The following DERA variants were observed in gnomAD, a reference collection of about 807,000 sequenced individuals.
The protein encoded by DERA is deoxyribose-phosphate aldolase.
Under a neutral mutation model 41.1 loss-of-function variants are expected in DERA, and 15 were observed. The observed-to-expected ratio is 0.37, with a 90% confidence interval of 0.24 to 0.56. The LOEUF is 0.56. Among genes scored for constraint, DERA ranks in the 20% least tolerant of loss-of-function variants. DERA has a pLI of 0.81. For synonymous variants in DERA, 139 were observed against 137.4 expected, an observed-to-expected ratio of 1.01 and a Z score of -0.08; for missense variants, 396 against 403.4, an observed-to-expected ratio of 0.98 and a Z score of 0.16.
At chr12:15,997,258 G>A (rs776437202) in intron 6 of DERA, among the ~76,000 whole-genome samples, 3 of 152,068 alleles carry the variant, frequency 2.0e-5, no homozygotes, top group African/African-American at 7.2e-5. Context: ...AATGGAGCAG[G>A]CAATTCTCTT....
rs1364905854 is a variant in DERA, at chr12:15,976,997, GTATCT to G, written c.509-5307_509-5303del. Among the ~76,000 whole-genome samples the G allele has an allele frequency of 2.0e-5, 3 of 151,994 alleles. No individual in the cohort carries two copies. Among genetic ancestry groups the G allele is most frequent in the Non-Finnish European group, 4.4e-5 (3 of 67,998 alleles). ...TTTTTAGTGTATTATACAAAATTTA[GTATCT>G]TATATTTCTGAATTACCTTGGAACA... On this transcript the variant is annotated intron_variant, in intron 5 of 8. Coordinates refer to ENST00000428559, the MANE Select transcript of DERA (RefSeq NM_015954.4). This position sits in a 1 kb window ranked among gnomAD's most constrained non-coding sequence, Gnocchi z 4.1.
At chr12:16,031,464 C>T (rs1949091768) in intron 6 of DERA, among the ~76,000 whole-genome samples, 1 of 152,148 alleles carries the variant, frequency 6.6e-6, no homozygotes, top group Non-Finnish European at 1.5e-5. Context: ...TGAATTTGCA[C>T]ACAAATCACC....
chr12:15,971,527 T>TTTTC (rs1565600598), intron 5 of DERA, among the ~76,000 whole-genome samples: 5 of 146,938 alleles, frequency 3.4e-5, no homozygotes, highest in Admixed American at 1.4e-4. Context: ...TTTTTTTTTT[T>TTTTC]TTTTTTGAGA....
chr12:15,919,709 AC>A (rs1948227331), intron 1 of DERA, among the ~76,000 whole-genome samples: 1 of 152,172 alleles, frequency 6.6e-6, no homozygotes, highest in South Asian at 2.1e-4. Flanking sequence ...AAATGTTGAG[AC>A]ACTCTGGCTG....
In DERA at chr12:16,021,244, G is replaced by A. The variant is rs1281045841; in HGVS notation, c.638-11298G>A. On this transcript the variant is annotated intron_variant, in intron 6 of 8. Transcript: ENST00000428559. This position sits in a 1 kb window ranked among gnomAD's most constrained non-coding sequence, Gnocchi z 5.3. ...TAGGGGACAGGCCCAGAGCCCTACTGCCTTGCACAGCCTCAGTATGCTGCC... is the reference window on the plus strand; with the variant it reads ...TAGGGGACAGGCCCAGAGCCCTACTACCTTGCACAGCCTCAGTATGCTGCC... Among the ~76,000 whole-genome samples the A allele has an allele frequency of 6.6e-6, 1 of 152,236 alleles. No homozygotes were observed. The highest frequency in any genetic ancestry group is 2.4e-5 in the African/African-American group (1 of 41,464).
chr12:16,021,772 C>G lies in DERA; in HGVS notation c.638-10770C>G, dbSNP rs1949018493. Among the ~76,000 whole-genome samples, 1 of 152,174 alleles carries G rather than the reference C, an allele frequency of 6.6e-6. No homozygotes were observed. ...GCTGAGTTTGGGGCTTGTATGAGGC[C>G]TATAGCGCACCCCTCCCCCTTTTTT... On this transcript the variant is annotated intron_variant, in intron 6 of 8. Transcript: ENST00000428559. The surrounding 1 kb of genome is among the most constrained non-coding windows in gnomAD (Gnocchi z 5.3).
chr12:16,033,213 A>G (rs183691690), intron 7 of DERA, among the ~76,000 whole-genome samples: 19 of 152,362 alleles, frequency 1.2e-4, no homozygotes, highest in Admixed American at 1.2e-3. Context: ...ATTACTTTTA[A>G]TAATATGAGG....
chr12:16,021,939 T>C lies in DERA; in HGVS notation c.638-10603T>C, dbSNP rs535781082. On this transcript the variant is annotated intron_variant, in intron 6 of 8. Coordinates refer to ENST00000428559, the MANE Select transcript of DERA (RefSeq NM_015954.4). The surrounding 1 kb of genome is among the most constrained non-coding windows in gnomAD (Gnocchi z 5.3). ...AGATAAGACTTTGGACTTTAGACTT[T>C]GGCATTTTTGAGCTAAGGCTGGAAC... is the stretch of plus-strand genomic sequence containing the variant. Among the ~76,000 whole-genome samples the C allele has an allele frequency of 5.9e-5, 9 of 152,326 alleles. No homozygotes were observed. The South Asian group carries it at 1.9e-3, about 32-fold the overall frequency.
intron 1 of DERA, among the ~76,000 whole-genome samples, chr12:15,947,745 G>C (rs1177182872): frequency 6.6e-6 from 1 of 152,134 alleles, no homozygotes; most frequent in Non-Finnish European, 1.5e-5. Context: ...ATTTGATCCC[G>C]TCATTATGAT....
At position 15,983,554 on chromosome 12, in the gene DERA, A is replaced by G. The variant is rs1448228953; in HGVS notation, c.637+1118A>G. ...TTCTCCCCCTGCTGTTTGGCCCATT[A>G]TCTCCTCTGTGTGTCCCCACGGCAT... is the stretch of plus-strand genomic sequence containing the variant. On this transcript the variant is annotated intron_variant, in intron 6 of 8. Transcript: ENST00000428559. This position sits in a 1 kb window ranked among gnomAD's most constrained non-coding sequence, Gnocchi z 6.2. Among the ~76,000 whole-genome samples the G allele has an allele frequency of 6.6e-6, 1 of 152,140 alleles. No individual in the cohort carries two copies. The highest frequency in any genetic ancestry group is 2.4e-5 in the African/African-American group (1 of 41,430).
chr12:15,966,718 A>C lies in DERA; in HGVS notation c.508+3771A>C, dbSNP rs1467880145. Among the ~76,000 whole-genome samples the C allele has an allele frequency of 1.3e-5, 2 of 151,880 alleles. No individual in the cohort carries two copies. The highest frequency in any genetic ancestry group is 6.6e-5 in the Admixed American group (1 of 15,250). On this transcript the variant is annotated intron_variant, in intron 5 of 8. Transcript: ENST00000428559. This position sits in a 1 kb window ranked among gnomAD's most constrained non-coding sequence, Gnocchi z 5.1. ...TGATTACCCCTGCGTCTCATTTGCAAGCTCCTTCACCTCCTCTGTCATCCC... is the reference window on the plus strand; with the variant it reads ...TGATTACCCCTGCGTCTCATTTGCACGCTCCTTCACCTCCTCTGTCATCCC...
intron 7 of DERA, among the ~76,000 whole-genome samples, chr12:16,033,976 A>G (rs1174249527): frequency 6.6e-6 from 1 of 152,216 alleles, no homozygotes; most frequent in African/African-American, 2.4e-5. Flanking sequence ...TTTTGTTTAG[A>G]TAAGCTGTAA....
Position 15,994,744 on chromosome 12 carries a change from C to T in DERA, c.637+12308C>T, listed in dbSNP as rs1408696986. 2.6e-5 allele frequency among the ~76,000 whole-genome samples: 4 copies of T among 152,192 alleles called. No homozygotes were observed. Among genetic ancestry groups the T allele is most frequent in the Admixed American group, 6.5e-5 (1 of 15,272 alleles). ...CTGGGATTACAGGCGTGAGCCACCG[C>T]GCCTGGCCAGAAAATTCTTAAAATG... On this transcript the variant is annotated intron_variant, in intron 6 of 8. Coordinates refer to ENST00000428559, the MANE Select transcript of DERA (RefSeq NM_015954.4). The surrounding 1 kb of genome is among the most constrained non-coding windows in gnomAD (Gnocchi z 4.8).
intron 4 of DERA, among the ~76,000 whole-genome samples, chr12:15,960,636 CAAAAAAAA>C (rs1163104277): frequency 1.7e-4 from 5 of 28,716 alleles, no homozygotes; most frequent in African/African-American, 5.1e-4. Context: ...GACTCCGTCT[CAAAAAAAA>C]AAAAAAAAAA....
At chr12:15,971,120 G>GCCA (rs1565600426) in intron 5 of DERA, among the ~76,000 whole-genome samples, 3 of 151,896 alleles carry the variant, frequency 2.0e-5, no homozygotes. Context: ...AACAGCCCCG[G>GCCA]ATTAATAACA....
rs1399300365 is a variant in DERA at position 15,928,055 on chromosome 12, A to C, written c.31+16641A>C. ...TTATCTATTTAGGGGATACAATGTA[A>C]TATTTTGATACATGTATACAATGTG... On this transcript the variant is annotated intron_variant, in intron 1 of 8. Transcript: ENST00000428559. The surrounding 1 kb of genome is among the most constrained non-coding windows in gnomAD (Gnocchi z 4.6). 9.9e-5 allele frequency among the ~76,000 whole-genome samples: 15 copies of C among 152,224 alleles called. No individual in the cohort carries two copies. The East Asian group carries it at 2.9e-3, about 29-fold the overall frequency.
intron 1 of DERA, among the ~76,000 whole-genome samples, chr12:15,926,632 A>T (rs1290036489): frequency 6.7e-6 from 1 of 148,670 alleles, no homozygotes; most frequent in Non-Finnish European, 1.5e-5. Context: ...GCTACTCGGG[A>T]GGCTGAGGCA....
intron 1 of DERA, among the ~76,000 whole-genome samples, chr12:15,947,762 T>C (rs1948462740): frequency 6.6e-6 from 1 of 152,214 alleles, no homozygotes; most frequent in African/African-American, 2.4e-5. Flanking sequence ...TGATGTTAGC[T>C]GGTTATTTTG....
At chr12:15,969,272 T>C (rs1948644315) in intron 5 of DERA, among the ~76,000 whole-genome samples, 1 of 152,202 alleles carries the variant, frequency 6.6e-6, no homozygotes, top group African/African-American at 2.4e-5. Context: ...TTCATTTTAC[T>C]TTTTTTATGA....
Sources: allele counts gnomAD v4.1 joint callset (sites outside exome capture counted in the v4.1 genomes callset), GRCh38; gene constraint gnomAD v4.1.1; non-coding constraint Gnocchi (gnomAD v3.1); transcripts MANE v1.5; gene names NCBI Gene and HGNC (gene_info 2026-07-23, HGNC 2026-07-21).